The following TADA2A variants were observed in gnomAD, a reference collection of about 807,000 sequenced individuals.
The protein encoded by TADA2A is transcriptional adapter 2-alpha.
Under a neutral mutation model 67.4 loss-of-function variants are expected in TADA2A, and 38 were observed. The observed-to-expected ratio is 0.56, with a 90% CI of 0.44 to 0.74. The LOEUF (loss-of-function observed/expected upper bound fraction) is 0.74, where lower values mean the gene tolerates loss of function less well. Among genes scored for constraint, TADA2A ranks in the 30% least tolerant of loss-of-function variants. The pLI is 0.00. For synonymous variants in TADA2A, 192 were observed against 181.6 expected, an observed-to-expected ratio of 1.06 and a Z score of -0.46; for missense variants, 454 against 547.0, an observed-to-expected ratio of 0.83 and a Z score of 1.70.
intron 8 of TADA2A, among the ~76,000 whole-genome samples, chr17:37,455,442 C>T (rs985110269): frequency 9.9e-5 from 15 of 151,618 alleles, no homozygotes; most frequent in African/African-American, 3.6e-4. Context: ...AGTGCAGTGG[C>T]GTGATCTCGG....
rs1026130646 is a variant in TADA2A at position 37,467,659 on chromosome 17, G to C, written c.895+134G>C. 2.8e-5 allele frequency: 20 copies of C among 712,366 alleles called. No homozygotes were observed. In the African/African-American group the frequency reaches 3.5e-4, roughly 12 times the overall value. The allele number at this position is 712,366 out of a possible 1,614,324, so 44.1% of individuals were successfully genotyped here. On this transcript the variant is annotated intron_variant, in intron 12 of 15. Coordinates refer to ENST00000615182, the MANE Select transcript of TADA2A (RefSeq NM_001166105.3). ...TACCAGAATGCTTTAAACCTTTCCA[G>C]TAAAGTTTTGGCTATTTAATCCCTA...
intron 1 of TADA2A, among the ~76,000 whole-genome samples, chr17:37,409,003 C>A (rs2051769609): frequency 6.6e-6 from 1 of 152,186 alleles, no homozygotes; most frequent in South Asian, 2.1e-4. Context: ...TAGTCCACTA[C>A]TATGTGTTTA....
chr17:37,423,602 T>C lies in TADA2A; in HGVS notation c.119T>C (p.Phe40Ser), dbSNP rs980691501. Residue 40 changes from phenylalanine to serine, a missense_variant, in exon 3 of 16, where the codon TTC (phenylalanine) becomes TCC (serine). By Grantham distance (155) the Phe-to-Ser change is radical. Coordinates refer to ENST00000615182, the MANE Select transcript of TADA2A (RefSeq NM_001166105.3). ...KCAECGPPPF[F>S]LCLQCFTRGF... ...GCTGAATGTGGGCCACCTCCTTTTT[T>C]CCTCTGCTTGCAGGTAACTCACTAA... 1.9e-6 allele frequency: 3 copies of C among 1,612,454 alleles called. No individual in the cohort carries two copies. Among genetic ancestry groups the C allele is most frequent in the Non-Finnish European group, 2.5e-6 (3 of 1,179,592 alleles).
At position 37,432,063 on chromosome 17, in the gene TADA2A, C is replaced by A. The variant is rs116544875; in HGVS notation, c.192+5054C>A. The stretch of plus-strand genomic sequence containing the variant: ...TCACTGTTCTGATTTTTTTTTTTAT[C>A]AGCGTAGATTGGTTTTGCATATTCT... On this transcript the variant is annotated intron_variant, in intron 4 of 15. Transcript: ENST00000615182. Among the ~76,000 whole-genome samples, 460 of 151,624 alleles carry A rather than the reference C, an allele frequency of 3.0e-3. 3 individuals are homozygous for A. Among genetic ancestry groups the A allele is most frequent in the African/African-American group, 0.011 (446 of 41,312 alleles).
At chr17:37,446,276 A>C (rs2053079207) in intron 8 of TADA2A, among the ~76,000 whole-genome samples, 1 of 152,116 alleles carries the variant, frequency 6.6e-6, no homozygotes. Context: ...CGTCAATCCC[A>C]GTGACTCATG....
chr17:37,435,412 C>T (rs2052694334), intron 4 of TADA2A, among the ~76,000 whole-genome samples: 4 of 152,094 alleles, frequency 2.6e-5, no homozygotes, highest in Non-Finnish European at 4.4e-5. Flanking sequence ...CCTCAGCCTC[C>T]CGAGCAGCTG....
intron 14 of TADA2A, among the ~76,000 whole-genome samples, chr17:37,473,339 T>A (rs1156810668): frequency 6.6e-6 from 1 of 152,006 alleles, no homozygotes; most frequent in East Asian, 1.9e-4. Context: ...GCTGAGGAGA[T>A]CTCTTGCTCT....
At chr17:37,414,383 G>A (rs990882074) in intron 2 of TADA2A, among the ~76,000 whole-genome samples, 2 of 149,922 alleles carry the variant, frequency 1.3e-5, no homozygotes, top group Non-Finnish European at 3.0e-5. Context: ...TAGCATCTCC[G>A]TCCTTTTTGG....
chr17:37,453,722 C>G (rs1481991189), intron 8 of TADA2A, among the ~76,000 whole-genome samples: 5 of 136,310 alleles, frequency 3.7e-5, no homozygotes, highest in Non-Finnish European at 7.9e-5. Flanking sequence ...GCTTTAGGCT[C>G]TATTTTGGAT....
chr17:37,437,925 A>G (rs2052781523), intron 5 of TADA2A, 96 bp downstream of exon 5: 4 of 1,167,958 alleles, frequency 3.4e-6, no homozygotes, highest in African/African-American at 3.1e-5. Context: ...AAGAGAAAGT[A>G]TGTGTTGCTT....
intron 12 of TADA2A, 22 bp downstream of exon 12, chr17:37,467,547 A>G (rs1219911820): frequency 6.3e-7 from 1 of 1,593,578 alleles, no homozygotes; most frequent in African/African-American, 1.3e-5. Context: ...TCAGCTACAT[A>G]CCGTACTTGA....
At chr17:37,422,104 G>A (rs890503051) in intron 2 of TADA2A, among the ~76,000 whole-genome samples, 1 of 144,252 alleles carries the variant, frequency 6.9e-6, no homozygotes, top group African/African-American at 2.5e-5. Flanking sequence ...GGAGTGCAGC[G>A]GCGCGATCTC....
At chr17:37,415,294 T>G (rs902511436) in intron 2 of TADA2A, among the ~76,000 whole-genome samples, 3 of 152,218 alleles carry the variant, frequency 2.0e-5, no homozygotes, top group African/African-American at 7.2e-5. Flanking sequence ...CTTAATAGTA[T>G]CTCCTGGAAA....
chr17:37,458,669 G>GTGTC (rs1052756188), intron 9 of TADA2A, 82 bp downstream of exon 9: 5 of 915,456 alleles, frequency 5.5e-6, no homozygotes, highest in East Asian at 4.1e-5. Context: ...GTGTGTGTGT[G>GTGTC]TGTGTCTGTG....
At chr17:37,461,129 C>A (rs2053537945) in intron 9 of TADA2A, among the ~76,000 whole-genome samples, 1 of 152,060 alleles carries the variant, frequency 6.6e-6, no homozygotes, top group African/African-American at 2.4e-5. Flanking sequence ...TGGGATGAAA[C>A]TGTTCCACCT....
At chr17:37,455,783 T>C (rs2053374789) in intron 8 of TADA2A, among the ~76,000 whole-genome samples, 1 of 152,204 alleles carries the variant, frequency 6.6e-6, no homozygotes, top group African/African-American at 2.4e-5. Flanking sequence ...TTTCAGTGTT[T>C]TTCCTACTTA....
chr17:37,467,519 T>G lies in TADA2A; in HGVS notation c.889T>G (p.Phe297Val). 6.2e-7 allele frequency: 1 copy of G among 1,613,444 alleles called. No individual in the cohort carries two copies. The highest frequency in any genetic ancestry group is 8.5e-7 in the Non-Finnish European group (1 of 1,179,608). Residue 297 changes from phenylalanine (F) to valine (V), a missense_variant, in exon 12 of 16, where the codon TTT becomes GTT. Phe to Val is a conservative substitution (Grantham distance 50). Transcript: ENST00000615182. ...ATACAGGACAGCAGGCATTACCAATTTTTGTAGTAAGTATGCTTCAGCTAC... is the reference window on the plus strand; with the variant it reads ...ATACAGGACAGCAGGCATTACCAATGTTTGTAGTAAGTATGCTTCAGCTAC... ...QEYRTAGITN[F>V]CSARTYDHLK...
chr17:37,470,683 C>G lies in TADA2A; in HGVS notation c.1028+151C>G, dbSNP rs374514889. On this transcript the variant is annotated intron_variant, in intron 13 of 15. Transcript: ENST00000615182. ...TTAGCAGTCCATCTCAGAAACAGTG[C>G]CATACTGACAGTTTTGAGAAATAAC... 1.3e-5 allele frequency: 11 copies of G among 837,370 alleles called. No homozygotes were observed. The African/African-American group carries it at 1.7e-4, about 13-fold the overall frequency. The allele number at this position is 837,370 out of a possible 1,614,324, so 51.9% of individuals were successfully genotyped here.
chr17:37,415,789 G>A (rs1380192534), intron 2 of TADA2A, among the ~76,000 whole-genome samples: 2 of 150,248 alleles, frequency 1.3e-5, no homozygotes, highest in Non-Finnish European at 2.9e-5. Flanking sequence ...CAGGAGAATC[G>A]CTTGAACCTG....
Sources: allele counts gnomAD v4.1 joint callset (sites outside exome capture counted in the v4.1 genomes callset), GRCh38; gene constraint gnomAD v4.1.1; transcripts MANE v1.5; gene names NCBI Gene and HGNC (gene_info 2026-07-23, HGNC 2026-07-21).